ENTHD1: variants seen among roughly 807,000 people sequenced by gnomAD.
ENTHD1 encodes the protein ENTH domain containing 1.
In ENTHD1, 23 loss-of-function variants were observed where a neutral mutation model predicts 39.1. The observed-to-expected ratio is 0.59, with a 90% CI of 0.42 to 0.83. The LOEUF is 0.83. ENTHD1 is among the 40% of genes least tolerant of loss of function. The pLI is 0.00. For synonymous variants in ENTHD1, 230 were observed against 258.2 expected (o/e 0.89, Z 1.05); for missense variants, 624 against 705.4 (o/e 0.88, Z 1.31).
chr22:39,774,648 A>G (rs1177880262), intron 5 of ENTHD1, among the ~76,000 whole-genome samples: 3 of 152,140 alleles, frequency 2.0e-5, no homozygotes, highest in South Asian at 2.1e-4. Flanking sequence ...TTTCTCCCCA[A>G]TACTTCTTCA....
chr22:39,851,567 A>G (rs9680551), intron 3 of ENTHD1, among the ~76,000 whole-genome samples: 10 of 152,292 alleles, frequency 6.6e-5, no homozygotes, highest in African/African-American at 2.2e-4. Context: ...TGAAAATCCT[A>G]TTGGACTTAA....
intron 4 of ENTHD1, among the ~76,000 whole-genome samples, chr22:39,832,231 C>T (rs927413279): frequency 3.9e-5 from 6 of 152,114 alleles, no homozygotes; most frequent in African/African-American, 9.7e-5. Context: ...AGATCGCTTG[C>T]ACCCATGAGT....
At chr22:39,840,781 G>C (rs2065938125) in intron 3 of ENTHD1, among the ~76,000 whole-genome samples, 2 of 151,156 alleles carry the variant, frequency 1.3e-5, no homozygotes, top group South Asian at 4.2e-4. Context: ...TTGAGACGGA[G>C]TCTCGCTCTG....
chr22:39,782,389 G>C (rs767276565), intron 5 of ENTHD1, among the ~76,000 whole-genome samples: 1 of 151,314 alleles, frequency 6.6e-6, no homozygotes, highest in Non-Finnish European at 1.5e-5. Flanking sequence ...CCGTAAAAAA[G>C]AACTAATAGC....
chr22:39,849,418 T>C (rs11913283), intron 3 of ENTHD1, among the ~76,000 whole-genome samples: 14,461 of 152,130 alleles, frequency 0.095, 777 homozygotes, highest in African/African-American at 0.13. Flanking sequence ...CTACAATGCA[T>C]AGCTCCCACA....
At chr22:39,791,604 C>T (rs2065504968) in intron 5 of ENTHD1, among the ~76,000 whole-genome samples, 1 of 151,924 alleles carries the variant, frequency 6.6e-6, no homozygotes, top group African/African-American at 2.4e-5. Context: ...TGCCATGTTG[C>T]CTAGACTGTT....
intron 5 of ENTHD1, among the ~76,000 whole-genome samples, chr22:39,814,440 A>G (rs896959766): frequency 2.6e-5 from 4 of 152,290 alleles, no homozygotes; most frequent in African/African-American, 9.6e-5. Context: ...AGCATGGGCG[A>G]CAGAGTGAGA....
intron 2 of ENTHD1, among the ~76,000 whole-genome samples, chr22:39,886,186 A>G (rs574413170): frequency 2.6e-5 from 4 of 152,314 alleles, no homozygotes; most frequent in Admixed American, 2.0e-4. Context: ...TTAAGATTCC[A>G]ACTATACGAC....
chr22:39,878,584 C>T (rs1053219935), intron 2 of ENTHD1, among the ~76,000 whole-genome samples: 1 of 150,754 alleles, frequency 6.6e-6, no homozygotes, highest in Non-Finnish European at 1.5e-5. Context: ...TTCAACTTCT[C>T]AGAAACCAAA....
chr22:39,861,803 T>G lies in ENTHD1; in HGVS notation c.554A>C (p.Lys185Thr). The change falls in exon 3 of 7, where the codon AAG becomes ACG. Residue 185 changes from lysine (K) to threonine (T), a missense_variant. Physicochemically the swap from Lys to Thr is moderately conservative, Grantham distance 78. Transcript: ENST00000325157. Reference protein sequence around the residue: ...PTPDISASEKKYKLPKFGRLH... With the variant: ...PTPDISASEKTYKLPKFGRLH... The stretch of plus-strand genomic sequence containing the variant: ...CCTTCCAAACTTAGGAAGCTTATAC[T>G]TCTTCTCTGAAGCAGAAATATCCGG... The G allele has an allele frequency of 6.3e-7, 1 of 1,585,348 alleles. No homozygotes were observed. The highest frequency in any genetic ancestry group is 8.6e-7 in the Non-Finnish European group (1 of 1,161,984).
chr22:39,860,765 A>G (rs1202287823), intron 3 of ENTHD1, among the ~76,000 whole-genome samples: 1 of 152,204 alleles, frequency 6.6e-6, no homozygotes, highest in East Asian at 1.9e-4. Context: ...TTGCTTCCTC[A>G]AGCTGTCCAT....
At chr22:39,755,555 T>C (rs2065178548) in intron 6 of ENTHD1, among the ~76,000 whole-genome samples, 1 of 152,178 alleles carries the variant, frequency 6.6e-6, no homozygotes, top group African/African-American at 2.4e-5. Context: ...AGAATCTCTT[T>C]GCTTGGTTAC....
intron 5 of ENTHD1, among the ~76,000 whole-genome samples, chr22:39,767,498 A>G (rs1405760587): frequency 6.6e-6 from 1 of 152,076 alleles, no homozygotes; most frequent in East Asian, 1.9e-4. Context: ...ACCCAAACGA[A>G]TATATTCCTA....
chr22:39,823,590 G>A (rs554654459), intron 4 of ENTHD1, among the ~76,000 whole-genome samples: 3 of 151,930 alleles, frequency 2.0e-5, no homozygotes, highest in South Asian at 4.2e-4. Flanking sequence ...GAGCTCAAAC[G>A]ATCCACCCAA....
chr22:39,867,610 T>C lies in ENTHD1; in HGVS notation c.350-5603A>G, dbSNP rs987938150. On this transcript the variant is annotated intron_variant, in intron 2 of 6. Coordinates refer to ENST00000325157, the MANE Select transcript of ENTHD1 (RefSeq NM_152512.4). The surrounding 1 kb of genome is among the most constrained non-coding windows in gnomAD (Gnocchi z 4.5). ...GTGTCCTAAATTACTTACTTAGCTT[T>C]AGTCTCCCTTCCAATCTACCCTCCA... Among the ~76,000 whole-genome samples, 53 of 152,150 alleles carry C rather than the reference T, an allele frequency of 3.5e-4. No homozygotes were observed. The highest frequency in any genetic ancestry group is 1.2e-3 in the African/African-American group (51 of 41,430).
At chr22:39,787,966 T>G (rs1601594309) in intron 5 of ENTHD1, among the ~76,000 whole-genome samples, 1 of 152,168 alleles carries the variant, frequency 6.6e-6, no homozygotes, top group African/African-American at 2.4e-5. Flanking sequence ...CCAAAAATTC[T>G]AAGGCCCTTA....
chr22:39,788,775 C>T (rs898949936), intron 5 of ENTHD1, among the ~76,000 whole-genome samples: 1 of 152,084 alleles, frequency 6.6e-6, no homozygotes, highest in Non-Finnish European at 1.5e-5. Context: ...CACCCCCAAC[C>T]TTCAGTAGCC....
intron 3 of ENTHD1, among the ~76,000 whole-genome samples, chr22:39,855,519 T>C (rs1360564465): frequency 6.6e-6 from 1 of 151,680 alleles, no homozygotes; most frequent in Non-Finnish European, 1.5e-5. Flanking sequence ...GGGCACATGA[T>C]ATTTCTCAAC....
At position 39,835,828 on chromosome 22, in the gene ENTHD1, CTA is replaced by C; in HGVS notation, c.711+10_711+11del. The C allele has an allele frequency of 6.3e-7, 1 of 1,578,810 alleles. No homozygotes were observed. The highest frequency in any genetic ancestry group is 1.1e-5 in the South Asian group (1 of 88,812). The stretch of plus-strand genomic sequence containing the variant: ...GATTTATTACAGCAGCTATAGGAAA[CTA>C]TAGACTTACCTCTGTTGATTTCCAA... On this transcript the variant is annotated intron_variant, in intron 4 of 6. Coordinates refer to ENST00000325157, the MANE Select transcript of ENTHD1 (RefSeq NM_152512.4).
Sources: allele counts gnomAD v4.1 joint callset (sites outside exome capture counted in the v4.1 genomes callset), GRCh38; gene constraint gnomAD v4.1.1; non-coding constraint Gnocchi (gnomAD v3.1); transcripts MANE v1.5; gene names NCBI Gene and HGNC (gene_info 2026-07-23, HGNC 2026-07-21).